The following PCSK5 variants were observed in gnomAD, a reference collection of about 807,000 sequenced individuals.
The protein encoded by PCSK5 is prohormone convertase 5.
Under a neutral mutation model 233.2 loss-of-function variants are expected in PCSK5, and 129 were observed. The observed-to-expected ratio is 0.55, with a 90% CI of 0.48 to 0.64. The LOEUF (loss-of-function observed/expected upper bound fraction) is 0.64, where lower values mean the gene tolerates loss of function less well. Ranked by LOEUF, PCSK5 falls within the 30% of genes least tolerant of loss-of-function variation. The pLI is 0.00. For synonymous variants in PCSK5, 825 were observed against 879.2 expected, an observed-to-expected ratio of 0.94 and a Z score of 1.09; for missense variants, 2,076 against 2,430.1, an observed-to-expected ratio of 0.85 and a Z score of 3.06.
chr9:76,128,551 A>C (rs973473468), intron 9 of PCSK5, among the ~76,000 whole-genome samples: 1 of 152,216 alleles, frequency 6.6e-6, no homozygotes, highest in Admixed American at 6.6e-5. Flanking sequence ...TGTCTTTTAC[A>C]TGCAGTAAGT....
intron 20 of PCSK5, among the ~76,000 whole-genome samples, chr9:76,224,297 AAAG>A (rs1196990385): frequency 6.6e-6 from 1 of 152,214 alleles, no homozygotes; most frequent in East Asian, 1.9e-4. Flanking sequence ...TATTCTGAGG[AAAG>A]AAGATTATAA....
chr9:76,072,391 T>A (rs1305499208), intron 7 of PCSK5, among the ~76,000 whole-genome samples: 1 of 152,196 alleles, frequency 6.6e-6, no homozygotes, highest in African/African-American at 2.4e-5. Flanking sequence ...TTCTTTTCCT[T>A]AATTACACCA....
chr9:76,147,734 C>T (rs1186354285), intron 10 of PCSK5, among the ~76,000 whole-genome samples: 1 of 152,136 alleles, frequency 6.6e-6, no homozygotes, highest in African/African-American at 2.4e-5. Flanking sequence ...AATAAAGTGC[C>T]ATCCCTGGAA....
intron 8 of PCSK5, among the ~76,000 whole-genome samples, chr9:76,104,355 C>G (rs1181732503): frequency 2.0e-5 from 3 of 152,124 alleles, no homozygotes; most frequent in African/African-American, 7.2e-5. Flanking sequence ...TAACTTTACC[C>G]CTTTCCATCA....
At chr9:75,964,912 C>T (rs1435330872) in intron 2 of PCSK5, among the ~76,000 whole-genome samples, 2 of 152,072 alleles carry the variant, frequency 1.3e-5, no homozygotes, top group Non-Finnish European at 2.9e-5. Flanking sequence ...AGCATTAATC[C>T]ATATTGGTTC....
chr9:76,285,375 A>T (rs1828031824), intron 24 of PCSK5, among the ~76,000 whole-genome samples: 1 of 152,220 alleles, frequency 6.6e-6, no homozygotes, highest in African/African-American at 2.4e-5. Context: ...TAAGAGAGTC[A>T]AAGTGGAAGG....
In PCSK5 at chr9:76,361,792, C is replaced by T. The variant is rs1293507752; in HGVS notation, c.*2870C>T. The T allele has an allele frequency of 6.6e-6, 1 of 152,196 alleles. No individual in the cohort carries two copies. The highest frequency in any genetic ancestry group is 1.5e-5 in the Non-Finnish European group (1 of 68,034). The allele number at this position is 152,196 out of a possible 1,614,324, so 9.4% of individuals were successfully genotyped here. ...TCTTAGAAACATATAAAAATATATG[C>T]ATGATAGCCATCATATCAATGGAAG... On this transcript the variant is annotated 3_prime_UTR_variant, in exon 38 of 38. Transcript: ENST00000674117.
At chr9:75,903,613 A>T (rs1014838609) in intron 1 of PCSK5, among the ~76,000 whole-genome samples, 6 of 142,636 alleles carry the variant, frequency 4.2e-5, no homozygotes, top group Middle Eastern at 3.6e-3. Context: ...TATATATATT[A>T]TATATATATA....
chr9:76,224,753 A>G (rs1197670252), intron 20 of PCSK5, among the ~76,000 whole-genome samples: 2 of 152,222 alleles, frequency 1.3e-5, no homozygotes, highest in South Asian at 2.1e-4. Context: ...TAGATTGAAG[A>G]CATGCAAAGC....
chr9:76,289,502 C>CGCA (rs1564159518), intron 24 of PCSK5, among the ~76,000 whole-genome samples: 1 of 125,430 alleles, frequency 8.0e-6, no homozygotes, highest in African/African-American at 3.1e-5. Flanking sequence ...CACACACACA[C>CGCA]ACACACACGC....
chr9:76,113,395 G>T (rs1390301537), intron 9 of PCSK5, among the ~76,000 whole-genome samples: 2 of 152,180 alleles, frequency 1.3e-5, no homozygotes, highest in African/African-American at 4.8e-5. Flanking sequence ...TGCATTTCTT[G>T]TAAACCTAAA....
chr9:76,070,600 A>G (rs538845930), intron 6 of PCSK5, among the ~76,000 whole-genome samples: 1 of 152,332 alleles, frequency 6.6e-6, no homozygotes, highest in African/African-American at 2.4e-5. Context: ...ATGAGACAAA[A>G]TGTTAACAGT....
intron 5 of PCSK5, among the ~76,000 whole-genome samples, chr9:76,061,201 G>A (rs777883953): frequency 1.3e-5 from 2 of 152,024 alleles, no homozygotes; most frequent in African/African-American, 2.4e-5. Context: ...CACATAAAGA[G>A]TAATTGGAGA....
intron 3 of PCSK5, among the ~76,000 whole-genome samples, chr9:76,012,365 A>AT (rs1307444350): frequency 6.6e-6 from 1 of 152,192 alleles, no homozygotes; most frequent in African/African-American, 2.4e-5. Flanking sequence ...ATTAACTTCC[A>AT]TGTCAGTCAA....
At chr9:76,162,215 C>T (rs774453396) in intron 12 of PCSK5, among the ~76,000 whole-genome samples, 18 of 152,202 alleles carry the variant, frequency 1.2e-4, no homozygotes, top group Non-Finnish European at 2.5e-4. Flanking sequence ...GGCCTGGCTC[C>T]CCCGTTCCTG....
chr9:75,901,511 C>A (rs913789539), intron 1 of PCSK5, among the ~76,000 whole-genome samples: 1 of 151,832 alleles, frequency 6.6e-6, no homozygotes, highest in African/African-American at 2.4e-5. Context: ...AGGACAGATA[C>A]CTAATGCATG....
intron 7 of PCSK5, among the ~76,000 whole-genome samples, chr9:76,087,728 A>G (rs1255547824): frequency 6.6e-6 from 1 of 152,236 alleles, no homozygotes; most frequent in Non-Finnish European, 1.5e-5. Flanking sequence ...ACTTCAGTGC[A>G]TCATTAAAAA....
intron 18 of PCSK5, 81 bp from the exon 19 acceptor site, chr9:76,189,013 C>G: frequency 8.2e-7 from 1 of 1,219,842 alleles, no homozygotes; most frequent in South Asian, 1.5e-5. Flanking sequence ...GCCATTTTCT[C>G]AAACTGTTAA....
intron 27 of PCSK5, among the ~76,000 whole-genome samples, chr9:76,298,200 T>C (rs189784551): frequency 2.0e-5 from 3 of 152,200 alleles, no homozygotes; most frequent in East Asian, 3.9e-4. Context: ...ATTCCCCAAA[T>C]GATTCCACGT....
Sources: allele counts gnomAD v4.1 joint callset (sites outside exome capture counted in the v4.1 genomes callset), GRCh38; gene constraint gnomAD v4.1.1; transcripts MANE v1.5; gene names NCBI Gene and HGNC (gene_info 2026-07-23, HGNC 2026-07-21).